Variants in CSMD1 observed in about 807,000 individuals in gnomAD.
The protein encoded by CSMD1 is CUB and Sushi multiple domains 1, also known as CUB and sushi domain-containing protein 1.
A neutral mutation model predicts 417.5 loss-of-function variants in CSMD1; 213 were observed. The observed-to-expected ratio is 0.51, with a 90% CI of 0.46 to 0.57. CSMD1 has a LOEUF of 0.57. Ranked by LOEUF, CSMD1 falls within the 20% of genes least tolerant of loss-of-function variation. The pLI is 0.00. For synonymous variants in CSMD1, 2,862 were observed against 1,736.8 expected (o/e 1.65, Z -16.11); for missense variants, 6,923 against 4,529.7 (o/e 1.53, Z -15.17).
At chr8:3,552,329 C>CT (rs146263164) in intron 10 of CSMD1, among the ~76,000 whole-genome samples, 3,797 of 151,038 alleles carry the variant, frequency 0.025, 166 homozygotes, top group African/African-American at 0.087. Context: ...AGCTTATTCT[C>CT]TTTTTTTTTG....
chr8:3,685,274 A>G (rs551047160), intron 7 of CSMD1, among the ~76,000 whole-genome samples: 93 of 152,278 alleles, frequency 6.1e-4, no homozygotes, highest in African/African-American at 2.1e-3. Context: ...AATTGTACCC[A>G]TTACGTTGAG....
intron 3 of CSMD1, among the ~76,000 whole-genome samples, chr8:4,200,616 T>G (rs1282879173): frequency 1.3e-5 from 2 of 152,092 alleles, no homozygotes; most frequent in African/African-American, 4.8e-5. Flanking sequence ...CAGCACTTTG[T>G]AGGCTGAGGT....
chr8:3,762,926 C>T (rs1029869168), intron 5 of CSMD1, among the ~76,000 whole-genome samples: 1 of 151,772 alleles, frequency 6.6e-6, no homozygotes, highest in African/African-American at 2.4e-5. Context: ...CCTGCCTACG[C>T]CCCACAGAGT....
chr8:4,242,308 T>A (rs1322947113), intron 3 of CSMD1, among the ~76,000 whole-genome samples: 1 of 152,144 alleles, frequency 6.6e-6, no homozygotes, highest in Non-Finnish European at 1.5e-5. Context: ...TTCATAGTAG[T>A]GTAATTACAA....
intron 1 of CSMD1, among the ~76,000 whole-genome samples, chr8:4,993,477 C>A (rs962671722): frequency 3.3e-5 from 5 of 151,808 alleles, no homozygotes; most frequent in Non-Finnish European, 5.9e-5. Flanking sequence ...CTATTGCCAG[C>A]CTTGAGGTCG....
chr8:4,418,382 G>C, intron 3 of CSMD1, among the ~76,000 whole-genome samples: 1 of 152,002 alleles, frequency 6.6e-6, no homozygotes. Flanking sequence ...ATGACCACCA[G>C]TAAACCCAGA....
chr8:4,088,933 C>A (rs980211442), intron 3 of CSMD1, among the ~76,000 whole-genome samples: 1 of 152,150 alleles, frequency 6.6e-6, no homozygotes, highest in African/African-American at 2.4e-5. Flanking sequence ...ACTCCCCTGC[C>A]AAGGTCTTTC....
rs142501708 is a variant in CSMD1 at position 3,846,497 on chromosome 8, T to C, written c.819-92455A>G. 1.1e-3 allele frequency among the ~76,000 whole-genome samples: 167 copies of C among 152,282 alleles called. 1 individual carries two copies. The highest frequency in any genetic ancestry group is 4.8e-3 in the South Asian group (23 of 4,822). ...AGTTTTTTCACGTGTGAAACTCAGA[T>C]AAGCATAGAAAGTATTTCACAGGAA... On this transcript the variant is annotated intron_variant, in intron 5 of 69. Transcript: ENST00000635120.
At chr8:4,912,798 A>T (rs935630038) in intron 1 of CSMD1, among the ~76,000 whole-genome samples, 24 of 151,540 alleles carry the variant, frequency 1.6e-4, no homozygotes, top group South Asian at 1.5e-3. Context: ...TTTTTTTTGG[A>T]GGGGGGGCAC....
chr8:3,406,083 G>A lies in CSMD1; in HGVS notation c.2210C>T (p.Thr737Ile), dbSNP rs199563523. Reference sequence around the variant, plus strand: ...CACGTTCCCGTCTTGCAGTATGCAGGTAATGGACTCGGATCCCTGGGTCTT... The same window carrying A: ...CACGTTCCCGTCTTGCAGTATGCAGATAATGGACTCGGATCCCTGGGTCTT... ...FVKTQGSESITCILQDGNVVW... is the reference protein window; with the variant it reads ...FVKTQGSESIICILQDGNVVW... The change falls in exon 15 of 70, where the codon ACC (threonine) becomes ATC (isoleucine). Residue 737 changes from threonine (T) to isoleucine (I), a missense_variant. Thr to Ile is a moderately conservative substitution (Grantham distance 89). Coordinates refer to ENST00000635120, the MANE Select transcript of CSMD1 (RefSeq NM_033225.6). The A allele has an allele frequency of 8.7e-6, 14 of 1,613,958 alleles. No individual in the cohort carries two copies. Among genetic ancestry groups the A allele is most frequent in the Non-Finnish European group, 1.1e-5 (13 of 1,179,880 alleles).
At chr8:4,265,987 G>T (rs1477523442) in intron 3 of CSMD1, among the ~76,000 whole-genome samples, 9 of 103,318 alleles carry the variant, frequency 8.7e-5, no homozygotes, top group African/African-American at 2.4e-4. Flanking sequence ...TACTTTGTGT[G>T]CGTTTGGGCT....
Position 4,791,581 on chromosome 8 carries a change from G to A in CSMD1, c.86-154023C>T, listed in dbSNP as rs373912185. 7.2e-4 allele frequency among the ~76,000 whole-genome samples: 110 copies of A among 152,270 alleles called. 3 individuals are homozygous for A. The South Asian group carries it at 0.022, about 31-fold the overall frequency. On this transcript the variant is annotated intron_variant, in intron 1 of 69. Coordinates refer to ENST00000635120, the MANE Select transcript of CSMD1 (RefSeq NM_033225.6). ...CTTTTTGGCTAGAAACTAACGTGAG[G>A]AAATCTGAAGCAGGACCTTAAGCAG... is the stretch of plus-strand genomic sequence containing the variant.
At chr8:4,038,148 A>G (rs571087349) in intron 3 of CSMD1, among the ~76,000 whole-genome samples, 7 of 152,290 alleles carry the variant, frequency 4.6e-5, no homozygotes, top group African/African-American at 1.7e-4. Flanking sequence ...TTGGTGACAC[A>G]AAGTTATAAA....
At chr8:3,163,146 T>C (rs908580647) in intron 37 of CSMD1, among the ~76,000 whole-genome samples, 1 of 152,226 alleles carries the variant, frequency 6.6e-6, no homozygotes, top group African/African-American at 2.4e-5. Flanking sequence ...ATTAATTTCA[T>C]TTAATTAAAA....
intron 3 of CSMD1, among the ~76,000 whole-genome samples, chr8:4,128,514 C>T (rs1802899443): frequency 6.6e-6 from 1 of 152,186 alleles, no homozygotes; most frequent in Admixed American, 6.5e-5. Context: ...AAACACATTG[C>T]TTACTCAAAC....
chr8:3,971,966 G>T (rs1197059383), intron 5 of CSMD1, among the ~76,000 whole-genome samples: 1 of 151,938 alleles, frequency 6.6e-6, no homozygotes, highest in Non-Finnish European at 1.5e-5. Context: ...GGAGTGCAGT[G>T]GGTGATCCTG....
chr8:2,973,659 G>A (rs1030822472), intron 56 of CSMD1, among the ~76,000 whole-genome samples: 1 of 139,988 alleles, frequency 7.1e-6, no homozygotes, highest in African/African-American at 2.8e-5. Context: ...AACAGGGAAT[G>A]TGGGGAAAAA....
intron 3 of CSMD1, among the ~76,000 whole-genome samples, chr8:4,253,843 G>A (rs1156555501): frequency 1.3e-5 from 2 of 149,568 alleles, no homozygotes; most frequent in African/African-American, 2.5e-5. Flanking sequence ...TGCTAAGGAG[G>A]TAACAATACA....
chr8:3,838,305 G>T (rs73172268), intron 5 of CSMD1, among the ~76,000 whole-genome samples: 23,902 of 151,840 alleles, frequency 0.16, 2,062 homozygotes, highest in Middle Eastern at 0.21. Context: ...GGGAGGCAAG[G>T]CAGGAGGATT....
Sources: allele counts gnomAD v4.1 joint callset (sites outside exome capture counted in the v4.1 genomes callset), GRCh38; gene constraint gnomAD v4.1.1; transcripts MANE v1.5; gene names NCBI Gene and HGNC (gene_info 2026-07-23, HGNC 2026-07-21).